The following TBC1D9B variants were observed in gnomAD, a reference collection of about 807,000 sequenced individuals.
TBC1D9B encodes the protein TBC1 domain family, member 9B (with GRAM domain).
TBC1D9B carries 87 observed loss-of-function variants against 121.1 expected under a neutral mutation model. The observed-to-expected ratio is 0.72, with a 90% CI of 0.60 to 0.86. The LOEUF (loss-of-function observed/expected upper bound fraction) is 0.86. TBC1D9B is among the 40% of genes least tolerant of loss of function. The pLI, the probability that TBC1D9B is intolerant of heterozygous loss-of-function variation, is 0.00. For synonymous variants in TBC1D9B, 668 were observed against 670.1 expected, an observed-to-expected ratio of 1.00 and a Z score of 0.05; for missense variants, 1,540 against 1,628.6, an observed-to-expected ratio of 0.95 and a Z score of 0.94.
Position 179,865,756 on chromosome 5 carries a change from GC to G in TBC1D9B, c.2914+81del, listed in dbSNP as rs1448111550. ...ATCTCCCGGGGTAGGGGGCTCCCTG[GC>G]AGTGACTGGGGAAAAGACCAGCAAG... On this transcript the variant is annotated intron_variant, in intron 19 of 20. Transcript: ENST00000355235. The surrounding 1 kb of genome is among the most constrained non-coding windows in gnomAD (Gnocchi z 5.1). 1 of 1,467,530 alleles carries G rather than the reference GC, an allele frequency of 6.8e-7. No homozygotes were observed. The highest frequency in any genetic ancestry group is 9.2e-7 in the Non-Finnish European group (1 of 1,082,552). 90.9% of individuals were successfully genotyped at this position (1,467,530 alleles called of 1,614,324 possible).
chr5:179,867,624 G>A lies in TBC1D9B; in HGVS notation c.2863+154C>T, dbSNP rs929170326. 1.3e-5 allele frequency: 19 copies of A among 1,475,918 alleles called. No individual in the cohort carries two copies. In the Admixed American group the frequency reaches 3.5e-4, roughly 27 times the overall value. The allele number at this position is 1,475,918 out of a possible 1,614,324, so 91.4% of individuals were successfully genotyped here. A position where few individuals can be genotyped will look rare whatever the true frequency, so the allele number is the denominator to read the frequency against. On this transcript the variant is annotated intron_variant, in intron 18 of 20. Transcript: ENST00000355235. ...GGCGGCCCCAGCCCCCGCCAGCATG[G>A]CAGAGCCCAGCCCGTGGTCCCCTGG...
Position 179,890,020 on chromosome 5 carries a change from G to C in TBC1D9B, c.1044+1359C>G, listed in dbSNP as rs1388340249. ...AGCTGGCAAGACATGCTGTAGGGAG[G>C]AGGGAGAGGTCGGAATCTAGGCCGA... On this transcript the variant is annotated intron_variant, in intron 6 of 20. Transcript: ENST00000355235. The surrounding 1 kb of genome is among the most constrained non-coding windows in gnomAD (Gnocchi z 5.0). 2.0e-5 allele frequency among the ~76,000 whole-genome samples: 3 copies of C among 152,112 alleles called. No homozygotes were observed. Among genetic ancestry groups the C allele is most frequent in the Non-Finnish European group, 2.9e-5 (2 of 68,014 alleles).
At chr5:179,884,497 A>G (rs2113627282) in intron 7 of TBC1D9B, 1 of 152,336 alleles carries the variant, frequency 6.6e-6, no homozygotes, top group Non-Finnish European at 1.5e-5. Flanking sequence ...GAACTGCTAT[A>G]CAATCCAGCA....
intron 8 of TBC1D9B, 109 bp downstream of exon 8, chr5:179,879,519 C>A (rs1027360990): frequency 1.0e-5 from 16 of 1,527,370 alleles, no homozygotes; most frequent in African/African-American, 1.4e-5. Context: ...CACTGCCCAG[C>A]GGTCAGCCCA....
At chr5:179,897,221 T>C (rs1761046465) in intron 3 of TBC1D9B, among the ~76,000 whole-genome samples, 1 of 152,158 alleles carries the variant, frequency 6.6e-6, no homozygotes, top group African/African-American at 2.4e-5. Context: ...CTTCCTTCTT[T>C]TGTAAGACTG....
intron 10 of TBC1D9B, among the ~76,000 whole-genome samples, 194 bp downstream of exon 10, chr5:179,878,115 C>T (rs1054773864): frequency 6.6e-6 from 1 of 152,242 alleles, no homozygotes; most frequent in Admixed American, 6.5e-5. Context: ...GACAAAAGTA[C>T]AAAGACGACG....
chr5:179,884,021 C>CT (rs1248783695), intron 7 of TBC1D9B, among the ~76,000 whole-genome samples: 1 of 152,096 alleles, frequency 6.6e-6, no homozygotes, highest in Non-Finnish European at 1.5e-5. Flanking sequence ...AATCCCAGTC[C>CT]TTTTTTTCTT....
In TBC1D9B at chr5:179,873,027, T is replaced by C; in HGVS notation, c.2317-37A>G. On this transcript the variant is annotated intron_variant, in intron 13 of 20. Transcript: ENST00000355235. The stretch of plus-strand genomic sequence containing the variant: ...GGTGACTTGGTGAGATCAAGCCAAC[T>C]GCAGGGCAGAGGGCCACCACCTGCC... 3.1e-6 allele frequency: 5 copies of C among 1,613,828 alleles called. No individual in the cohort carries two copies. In the Middle Eastern group the frequency reaches 5.0e-4, roughly 160 times the overall value.
chr5:179,874,877 C>A lies in TBC1D9B; in HGVS notation c.2186+25G>T. On this transcript the variant is annotated intron_variant, in intron 12 of 20. Transcript: ENST00000355235. The surrounding 1 kb of genome is among the most constrained non-coding windows in gnomAD (Gnocchi z 4.3). ...GAGGGGTTCTGCTGTGAGCCCCCAG[C>A]AGGAGAAGGAACCCGGCATGTCACC... 4 of 1,607,992 alleles carry A rather than the reference C, an allele frequency of 2.5e-6. No individual in the cohort carries two copies.
chr5:179,866,151 A>G, intron 18 of TBC1D9B: 1 of 463,272 alleles, frequency 2.2e-6, no homozygotes, highest in Non-Finnish European at 3.9e-6. Flanking sequence ...TTTCAAATGA[A>G]TACAAGTCTC....
intron 12 of TBC1D9B, 38 bp from the exon 13 acceptor site, chr5:179,873,286 A>G: frequency 1.3e-6 from 2 of 1,526,944 alleles, no homozygotes; most frequent in Non-Finnish European, 1.8e-6. Flanking sequence ...GACCACGCCC[A>G]GGCAGAGGGA....
intron 7 of TBC1D9B, among the ~76,000 whole-genome samples, chr5:179,880,485 C>A (rs1328393381): frequency 6.6e-6 from 1 of 152,334 alleles, no homozygotes; most frequent in African/African-American, 2.4e-5. Flanking sequence ...CTACCCCTCA[C>A]ACCCTCCCAC....
chr5:179,863,590 A>G lies in TBC1D9B; in HGVS notation c.3560T>C (p.Leu1187Pro). 1 of 1,614,162 alleles carries G rather than the reference A, an allele frequency of 6.2e-7. No homozygotes were observed. Among genetic ancestry groups the G allele is most frequent in the South Asian group, 1.1e-5 (1 of 91,084 alleles). The change falls in exon 21 of 21, where the codon CTG becomes CCG. Residue 1187 changes from leucine (L) to proline (P), a missense_variant. By Grantham distance (98) the Leu-to-Pro change is moderately conservative. Transcript: ENST00000355235. This position sits in a 1 kb window ranked among gnomAD's most constrained non-coding sequence, Gnocchi z 4.5. ...TDWCISFEQI[L>P]ASILTESVLV... ...CACGGACTCCGTCAGGATGGAGGCCAGGATCTGCTCAAAGGAGATGCACCA... is the reference window on the plus strand; with the variant it reads ...CACGGACTCCGTCAGGATGGAGGCCGGGATCTGCTCAAAGGAGATGCACCA...
At position 179,876,018 on chromosome 5, in the gene TBC1D9B, G is replaced by A. The variant is rs1357917120; in HGVS notation, c.1802C>T (p.Ser601Leu). The A allele has an allele frequency of 5.6e-6, 9 of 1,612,752 alleles. No individual in the cohort carries two copies. Among genetic ancestry groups the A allele is most frequent in the East Asian group, 2.2e-5 (1 of 44,812 alleles). Residue 601 changes from serine (S) to leucine (L), a missense_variant, in exon 11 of 21, where the codon TCG (serine) becomes TTG (leucine). Physicochemically the swap from Ser to Leu is moderately radical, Grantham distance 145 (BLOSUM62 -2). Transcript: ENST00000355235. ...GYCQAMNIVT[S>L]VLLLYGSEEE... ...CTCACTGCCATAGAGCAGGAGCACC[G>A]AGGTCACGATGTTCATTGCCTGCCG... is the stretch of plus-strand genomic sequence containing the variant.
intron 14 of TBC1D9B, 44 bp from the exon 15 acceptor site, chr5:179,871,574 C>A: frequency 1.3e-6 from 2 of 1,595,058 alleles, no homozygotes; most frequent in South Asian, 1.1e-5. Flanking sequence ...ATCACAAGCT[C>A]CTGGCACAGA....
rs1760930816 is a variant in TBC1D9B, at chr5:179,893,479, G to C, written c.578-12C>G. The C allele has an allele frequency of 6.3e-7, 1 of 1,583,470 alleles. No homozygotes were observed. Among genetic ancestry groups the C allele is most frequent in the Admixed American group, 1.7e-5 (1 of 58,328 alleles). On this transcript the variant is annotated splice_polypyrimidine_tract_variant and intron_variant, in intron 4 of 20. Transcript: ENST00000355235. ...CACCACGAGGCTCACTGTGCCCACA[G>C]AGATAGACACACCGCAAGTTAGGGC...
In TBC1D9B at chr5:179,879,898, T is replaced by TGG. The variant is rs139600155; in HGVS notation, c.1255-111_1255-110dup. ...TCGGGGCCCGGTGCAAGAAGGGCCA[T>TGG]GGGGGCAAACGGTGCACGGAGAAGA... On this transcript the variant is annotated intron_variant, in intron 7 of 20. Coordinates refer to ENST00000355235, the MANE Select transcript of TBC1D9B (RefSeq NM_015043.4). The TGG allele has an allele frequency of 1.9e-4, 256 of 1,313,438 alleles. 2 individuals are homozygous for TGG. In the African/African-American group the frequency reaches 3.5e-3, roughly 18 times the overall value. The allele number at this position is 1,313,438 out of a possible 1,614,324, so 81.4% of individuals were successfully genotyped here. A position where few individuals can be genotyped will look rare whatever the true frequency, so the allele number is the denominator to read the frequency against.
At chr5:179,867,220 C>T (rs898915781) in intron 18 of TBC1D9B, 5 of 523,704 alleles carry the variant, frequency 9.5e-6, no homozygotes, top group Admixed American at 9.5e-5. Context: ...AGGCCTTGCC[C>T]TGGGCCTGCT....
chr5:179,867,031 C>T (rs1217192376), intron 18 of TBC1D9B: 2 of 191,394 alleles, frequency 1.0e-5, no homozygotes, highest in Non-Finnish European at 2.2e-5. Flanking sequence ...ACTCAACATG[C>T]GTGTTTTTCC....
Sources: allele counts gnomAD v4.1 joint callset (sites outside exome capture counted in the v4.1 genomes callset), GRCh38; gene constraint gnomAD v4.1.1; non-coding constraint Gnocchi (gnomAD v3.1); transcripts MANE v1.5; gene names NCBI Gene and HGNC (gene_info 2026-07-23, HGNC 2026-07-21).